The following SLC30A6 variants were observed in gnomAD, a reference collection of about 807,000 sequenced individuals.
SLC30A6 encodes the protein zinc transporter 6.
A neutral mutation model predicts 63.0 loss-of-function variants in SLC30A6; 55 were observed. The observed-to-expected ratio is 0.87, with a 90% confidence interval of 0.70 to 1.09. SLC30A6 has a LOEUF of 1.09. SLC30A6 is among the 50% of genes least tolerant of loss of function. The pLI is 0.00. For synonymous variants in SLC30A6, 224 were observed against 186.1 expected (o/e 1.20, Z -1.66); for missense variants, 587 against 549.2 (o/e 1.07, Z -0.69).
chr2:32,213,837 A>G (rs539923250), intron 13 of SLC30A6, among the ~76,000 whole-genome samples: 24 of 122,894 alleles, frequency 2.0e-4, no homozygotes, highest in East Asian at 1.6e-3. Flanking sequence ...GGAGTCTCAC[A>G]CTGTCACCTG....
At chr2:32,195,452 A>G (rs976629741) in intron 8 of SLC30A6, among the ~76,000 whole-genome samples, 4 of 152,012 alleles carry the variant, frequency 2.6e-5, no homozygotes, top group African/African-American at 7.2e-5. Flanking sequence ...TAATGTTTGC[A>G]TAATATTGTT....
chr2:32,200,815 C>T (rs1365116054), intron 10 of SLC30A6, among the ~76,000 whole-genome samples: 1 of 146,740 alleles, frequency 6.8e-6, no homozygotes, highest in Non-Finnish European at 1.5e-5. Context: ...GCGAGAAACA[C>T]CCAAGAATGA....
rs565200727 is a variant in SLC30A6, at chr2:32,178,003, A to C, written c.218+2642A>C. On this transcript the variant is annotated intron_variant, in intron 4 of 13. Coordinates refer to ENST00000282587, the MANE Select transcript of SLC30A6 (RefSeq NM_017964.5). ...CGCTCTGTCGCCCAGGCTGGAGTGC[A>C]GTGGCGCGATCTTGGCTCACTGCAA... 2.4e-4 allele frequency among the ~76,000 whole-genome samples: 34 copies of C among 144,042 alleles called. No individual in the cohort carries two copies. The East Asian group carries it at 6.5e-3, about 27-fold the overall frequency. 94.5% of individuals were successfully genotyped at this position (144,042 alleles called of 152,430 possible).
intron 10 of SLC30A6, chr2:32,201,563 G>A (rs1217769582): frequency 2.4e-6 from 3 of 1,225,022 alleles, no homozygotes; most frequent in Non-Finnish European, 3.4e-6. Flanking sequence ...AGGTGGTTGT[G>A]GCCACTGTGC....
chr2:32,185,745 A>T (rs910302350), intron 5 of SLC30A6, among the ~76,000 whole-genome samples: 1 of 152,102 alleles, frequency 6.6e-6, no homozygotes, highest in African/African-American at 2.4e-5. Flanking sequence ...TTTGAGACGG[A>T]TTCTCACTCT....
intron 5 of SLC30A6, among the ~76,000 whole-genome samples, chr2:32,185,659 A>G (rs1682735846): frequency 6.6e-6 from 1 of 152,138 alleles, no homozygotes; most frequent in South Asian, 2.1e-4. Flanking sequence ...ATTTTAATGC[A>G]AAATAAGGAT....
intron 5 of SLC30A6, among the ~76,000 whole-genome samples, chr2:32,186,805 TGAGCAAA>T (rs1194257705): frequency 6.6e-6 from 1 of 151,710 alleles, no homozygotes; most frequent in Non-Finnish European, 1.5e-5. Flanking sequence ...GAGACCATCC[TGAGCAAA>T]GAGCGAGACC....
intron 8 of SLC30A6, among the ~76,000 whole-genome samples, chr2:32,195,940 C>T (rs1683749968): frequency 6.6e-6 from 1 of 152,118 alleles, no homozygotes; most frequent in African/African-American, 2.4e-5. Flanking sequence ...GTCCCAGCTA[C>T]TCAGGAGGCT....
At chr2:32,213,095 G>C (rs535313010) in intron 13 of SLC30A6, among the ~76,000 whole-genome samples, 1 of 151,284 alleles carries the variant, frequency 6.6e-6, no homozygotes, top group Non-Finnish European at 1.5e-5. Context: ...TTTTTGTAGA[G>C]ACAGTCTTGC....
At position 32,184,310 on chromosome 2, in the gene SLC30A6, A is replaced by G; in HGVS notation, c.256A>G (p.Arg86Gly). 1 of 1,535,140 alleles carries G rather than the reference A, an allele frequency of 6.5e-7. No individual in the cohort carries two copies. Among genetic ancestry groups the G allele is most frequent in the Admixed American group, 1.9e-5 (1 of 53,484 alleles). ...TCLISYWVTLRKPSPVYSFGF... is the reference protein window; with the variant it reads ...TCLISYWVTLGKPSPVYSFGF... The stretch of plus-strand genomic sequence containing the variant: ...TTTAATAAGTTACTGGGTAACATTG[A>G]GGAAACCTAGCCCTGTCTATTCATT... The change falls in exon 5 of 14, where the codon AGG becomes GGG. Residue 86 changes from arginine (R) to glycine (G), a missense_variant. Physicochemically the swap from Arg to Gly is moderately radical, Grantham distance 125. Transcript: ENST00000282587.
chr2:32,191,090 A>G (rs796149430), intron 5 of SLC30A6, among the ~76,000 whole-genome samples: 8 of 152,302 alleles, frequency 5.3e-5, no homozygotes, highest in African/African-American at 1.9e-4. Flanking sequence ...CTGGTAGTAT[A>G]AATCTTCCAG....
intron 13 of SLC30A6, 120 bp downstream of exon 13, chr2:32,209,681 C>A: frequency 1.2e-6 from 1 of 800,208 alleles, no homozygotes; most frequent in Middle Eastern, 3.9e-4. Flanking sequence ...TTATGTTAAG[C>A]AGAGTCTAAA....
intron 6 of SLC30A6, 120 bp from the exon 7 acceptor site, chr2:32,192,795 ATAG>A (rs1683450064): frequency 1.2e-5 from 7 of 577,344 alleles, no homozygotes; most frequent in Non-Finnish European, 1.7e-5. Flanking sequence ...ATCACTGCTA[ATAG>A]TTAATAGTTA....
intron 4 of SLC30A6, among the ~76,000 whole-genome samples, chr2:32,183,092 C>G (rs1207889145): frequency 6.6e-6 from 1 of 151,904 alleles, no homozygotes; most frequent in Non-Finnish European, 1.5e-5. Flanking sequence ...GAGGCTGAGG[C>G]AGGAGAATCA....
intron 5 of SLC30A6, among the ~76,000 whole-genome samples, chr2:32,185,478 T>C (rs770518748): frequency 3.3e-5 from 5 of 152,142 alleles, no homozygotes; most frequent in Admixed American, 6.5e-5. Flanking sequence ...AATTTTACTT[T>C]ATTAATTTTT....
chr2:32,187,090 G>A (rs2148838244), intron 5 of SLC30A6: 1 of 459,404 alleles, frequency 2.2e-6, no homozygotes, highest in South Asian at 1.6e-5. Context: ...ACTACTGTGG[G>A]AAGACAGTAA....
intron 1 of SLC30A6, among the ~76,000 whole-genome samples, chr2:32,167,884 A>G (rs188799922): frequency 3.7e-4 from 57 of 152,286 alleles, no homozygotes; most frequent in African/African-American, 1.4e-3. Context: ...TTTACCAGTA[A>G]CATCTGTAAT....
intron 4 of SLC30A6, among the ~76,000 whole-genome samples, chr2:32,181,929 TTTTC>T (rs1427848693): frequency 2.1e-5 from 3 of 146,202 alleles, no homozygotes. Context: ...TTCGTTTTTC[TTTTC>T]TTTTTTTTTT....
At chr2:32,190,568 G>T (rs1221222956) in intron 5 of SLC30A6, among the ~76,000 whole-genome samples, 1 of 151,964 alleles carries the variant, frequency 6.6e-6, no homozygotes, top group Admixed American at 6.6e-5. Flanking sequence ...ACTTTGTTCT[G>T]TTATCACCTA....
Sources: gnomAD v4.1 joint callset for allele counts (sites outside exome capture counted in the v4.1 genomes callset) on GRCh38, gnomAD v4.1.1 for gene constraint, MANE v1.5 for transcripts, NCBI Gene and HGNC (gene_info 2026-07-23, HGNC 2026-07-21) for gene names.